The following SPRY3 variants were observed in gnomAD, a reference collection of about 807,000 sequenced individuals.
The protein encoded by SPRY3 is protein sprouty homolog 3.
A neutral mutation model predicts 20.2 loss-of-function variants in SPRY3; 15 were observed. The ratio of observed to expected loss-of-function variants is 0.74; its 90% CI spans 0.50 to 1.14. The LOEUF (loss-of-function observed/expected upper bound fraction) is 1.14, where lower values mean the gene tolerates loss of function less well. Among genes scored for constraint, SPRY3 ranks in the 50% most tolerant of loss-of-function variants. The pLI is 0.00. For missense variants in SPRY3, 364 were observed against 363.9 expected (o/e 1.00, Z 0.00); for synonymous variants, 143 against 136.5 (o/e 1.05, Z -0.33).
rs187259075 is a variant in SPRY3 at position 155,723,796 on chromosome X, C to T, written c.-281-44166C>T. Among the ~76,000 whole-genome samples the T allele has an allele frequency of 3.0e-4, 45 of 152,214 alleles. No homozygotes were observed. The East Asian group carries it at 6.0e-3, about 20-fold the overall frequency. On this transcript the variant is annotated intron_variant, in intron 2 of 3. Coordinates refer to ENST00000675360, the Ensembl canonical transcript of SPRY3. ...GAAGCTCTTTAGTTTAATTAGATCC[C>T]ATTTGTCTATTTTGGCTTTTGTTGC...
chrX:155,697,543 A>C (rs1174767712), intron 2 of SPRY3, among the ~76,000 whole-genome samples: 2 of 108,689 alleles, frequency 1.8e-5, no homozygotes, highest in Non-Finnish European at 3.8e-5. Flanking sequence ...ATATACACAT[A>C]TATATCTGAT....
intron 2 of SPRY3, among the ~76,000 whole-genome samples, chrX:155,736,405 G>C (rs754866867): frequency 8.6e-5 from 13 of 151,772 alleles, no homozygotes; most frequent in African/African-American, 3.1e-4. Flanking sequence ...AGTTTTGTTT[G>C]TATGAGAAAG....
At chrX:155,766,970 A>C (rs2091334735) in intron 2 of SPRY3, among the ~76,000 whole-genome samples, 1 of 152,154 alleles carries the variant, frequency 6.6e-6, no homozygotes, top group Non-Finnish European at 1.5e-5. Flanking sequence ...CATCTTATTG[A>C]AGCTGCAATC....
chrX:155,746,668 A>G (rs2091228220), intron 2 of SPRY3, among the ~76,000 whole-genome samples: 1 of 151,902 alleles, frequency 6.6e-6, no homozygotes, highest in Admixed American at 6.6e-5. Context: ...TTGAGTCTTA[A>G]GTTCTCGGAC....
intron 2 of SPRY3, among the ~76,000 whole-genome samples, chrX:155,715,154 T>C (rs2091013386): frequency 1.3e-5 from 2 of 152,078 alleles, no homozygotes; most frequent in African/African-American, 4.8e-5. Flanking sequence ...AAGGAGTCTT[T>C]CACTATAGCC....
intron 2 of SPRY3, among the ~76,000 whole-genome samples, chrX:155,714,253 G>T (rs1364768632): frequency 6.6e-6 from 1 of 152,138 alleles, no homozygotes; most frequent in Non-Finnish European, 1.5e-5. Context: ...GGATGGTGTT[G>T]ATGCTTGTAG....
At chrX:155,633,311 C>A (rs891654168) in intron 1 of SPRY3, among the ~76,000 whole-genome samples, 1 of 92,520 alleles carries the variant, frequency 1.1e-5, no homozygotes, top group Non-Finnish European at 2.1e-5. Context: ...GAGGCCGAGG[C>A]GGGCGGATCA....
intron 2 of SPRY3, chrX:155,767,701 AAAGAAG>A (rs1470159242): frequency 9.6e-6 from 1 of 103,772 alleles, no homozygotes; most frequent in South Asian, 3.4e-4. Context: ...GGAGGAGGAG[AAAGAAG>A]AGGAGGAGGA....
intron 1 of SPRY3, among the ~76,000 whole-genome samples, chrX:155,629,777 A>G: frequency 8.9e-6 from 1 of 112,026 alleles, no homozygotes; most frequent in Non-Finnish European, 1.9e-5. Context: ...AAATCAGGTT[A>G]TTTGTTCTCT....
intron 2 of SPRY3, among the ~76,000 whole-genome samples, chrX:155,739,130 G>A (rs2091188315): frequency 6.6e-6 from 1 of 152,078 alleles, no homozygotes; most frequent in African/African-American, 2.4e-5. Context: ...GAGTCCAGGT[G>A]GTACAGACCA....
At chrX:155,678,668 T>C (rs1021651877) in intron 2 of SPRY3, among the ~76,000 whole-genome samples, 1 of 111,007 alleles carries the variant, frequency 9.0e-6, no homozygotes, top group Admixed American at 9.7e-5. Context: ...TTGGTTGAAG[T>C]GAGGGAAAGA....
intron 2 of SPRY3, among the ~76,000 whole-genome samples, chrX:155,660,850 C>T (rs781886276): frequency 5.1e-4 from 56 of 109,404 alleles, no homozygotes; most frequent in Non-Finnish European, 9.3e-4. Context: ...GGTGCTCCTG[C>T]TCGCTTTTGG....
intron 2 of SPRY3, among the ~76,000 whole-genome samples, chrX:155,767,582 G>A (rs1254841360): frequency 2.0e-5 from 3 of 148,528 alleles, no homozygotes; most frequent in Admixed American, 2.0e-4. Flanking sequence ...AAAGGAGGAA[G>A]AAGGGGAGGA....
intron 2 of SPRY3, among the ~76,000 whole-genome samples, chrX:155,722,790 A>G (rs2091068857): frequency 6.6e-6 from 1 of 151,388 alleles, no homozygotes; most frequent in Non-Finnish European, 1.5e-5. Context: ...GAAACACTTC[A>G]CCATATATAT....
chrX:155,726,023 T>C (rs1377406502), intron 2 of SPRY3, among the ~76,000 whole-genome samples: 1 of 152,198 alleles, frequency 6.6e-6, no homozygotes, highest in Non-Finnish European at 1.5e-5. Context: ...GTTGTGTCTT[T>C]GATCTCATTG....
chrX:155,780,069 G>A (rs2091454551), downstream of SPRY3: 2 of 166,962 alleles, frequency 1.2e-5, no homozygotes, highest in Admixed American at 6.6e-5. Flanking sequence ...ACTGACTAAT[G>A]TTAGGAATCT....
At chrX:155,741,734 C>A (rs758364469) in intron 2 of SPRY3, among the ~76,000 whole-genome samples, 21 of 152,252 alleles carry the variant, frequency 1.4e-4, no homozygotes, top group African/African-American at 5.1e-4. Flanking sequence ...CCCAGAACAT[C>A]TGGCCAAACT....
chrX:155,676,984 G>A (rs1044967029), intron 2 of SPRY3, among the ~76,000 whole-genome samples: 1 of 111,718 alleles, frequency 9.0e-6, no homozygotes, highest in Non-Finnish European at 1.9e-5. Context: ...TGTTATTCCT[G>A]TGTTTTTCTT....
chrX:155,728,343 G>A (rs1362329829), intron 2 of SPRY3, among the ~76,000 whole-genome samples: 1 of 152,190 alleles, frequency 6.6e-6, no homozygotes, highest in Non-Finnish European at 1.5e-5. Context: ...GCTCTCTTCA[G>A]AGTTGTCAGA....
Sources: allele counts gnomAD v4.1 joint callset (sites outside exome capture counted in the v4.1 genomes callset), GRCh38; gene constraint gnomAD v4.1.1; transcripts MANE v1.5; gene names NCBI Gene and HGNC (gene_info 2026-07-23, HGNC 2026-07-21).